Variants in LRRK1 observed in about 807,000 individuals in gnomAD.
LRRK1 encodes leucine-rich repeat serine/threonine-protein kinase 1.
LRRK1 carries 113 observed loss-of-function variants against 209.1 expected under a neutral mutation model. The ratio of observed to expected loss-of-function variants is 0.54; its 90% confidence interval spans 0.46 to 0.63. The LOEUF is 0.63. LRRK1 is among the 30% of genes least tolerant of loss of function. The pLI, the probability that LRRK1 is intolerant of heterozygous loss-of-function variation, is 0.00. For missense variants in LRRK1, 2,284 were observed against 2,632.2 expected (o/e 0.87, Z 2.89); for synonymous variants, 1,144 against 1,099.7 (o/e 1.04, Z -0.80).
intron 24 of LRRK1, 115 bp downstream of exon 24, chr15:101,052,075 C>T: frequency 8.5e-7 from 1 of 1,180,502 alleles, no homozygotes; most frequent in East Asian, 2.5e-5. Flanking sequence ...GGTGCCCCGG[C>T]CATGGCTTCC....
rs2036745292 is a variant in LRRK1, at chr15:101,070,266, G to A, written c.*1418G>A. ...AGCAGCTTCCATGGGTGGAGACGCT[G>A]CTCTGTCAGTCACAGGCTTGGAAAA... On this transcript the variant is annotated 3_prime_UTR_variant, in exon 34 of 34. Transcript: ENST00000388948. The A allele has an allele frequency of 6.7e-6, 1 of 148,574 alleles. No homozygotes were observed. Among genetic ancestry groups the A allele is most frequent in the Non-Finnish European group, 1.5e-5 (1 of 67,636 alleles). The allele number at this position is 148,574 out of a possible 1,614,324, so 9.2% of individuals were successfully genotyped here.
In LRRK1 at chr15:101,065,835, A is replaced by G; in HGVS notation, c.5398A>G (p.Ser1800Gly). The stretch of plus-strand genomic sequence containing the variant: ...CTTGGACACGGAACCCCCGGCAGCC[A>G]GCCACACGGCCAACCCAAAGGTGCC... ...RPLDTEPPAASHTANPKVPEG... is the reference protein window; with the variant it reads ...RPLDTEPPAAGHTANPKVPEG... The change falls in exon 32 of 34, where the codon AGC (serine) becomes GGC (glycine). Residue 1800 changes from serine to glycine, a missense_variant. Transcript: ENST00000388948. 1.2e-6 allele frequency: 2 copies of G among 1,614,074 alleles called. No homozygotes were observed. Among genetic ancestry groups the G allele is most frequent in the Non-Finnish European group, 1.7e-6 (2 of 1,180,008 alleles).
At chr15:100,959,289 T>G (rs1164314390) in intron 2 of LRRK1, among the ~76,000 whole-genome samples, 1 of 152,140 alleles carries the variant, frequency 6.6e-6, no homozygotes, top group African/African-American at 2.4e-5. Flanking sequence ...ACAGTCTAGA[T>G]AGGCACCCAC....
chr15:101,071,147 T>C lies in LRRK1; in HGVS notation c.*2299T>C, dbSNP rs906061364. On this transcript the variant is annotated 3_prime_UTR_variant, in exon 34 of 34. Coordinates refer to ENST00000388948, the MANE Select transcript of LRRK1 (RefSeq NM_024652.6). ...AGCATTCAGCATGGTCCCTGCAACT[T>C]TGGCCTCTGCCCAGTGACCTCTGGC... 2.6e-5 allele frequency: 4 copies of C among 152,228 alleles called. No homozygotes were observed. Among genetic ancestry groups the C allele is most frequent in the African/African-American group, 9.7e-5 (4 of 41,414 alleles). The allele number at this position is 152,228 out of a possible 1,614,324, so 9.4% of individuals were successfully genotyped here.
At chr15:101,005,531 C>A (rs1027351832) in intron 6 of LRRK1, among the ~76,000 whole-genome samples, 2 of 152,214 alleles carry the variant, frequency 1.3e-5, no homozygotes, top group African/African-American at 4.8e-5. Context: ...TGTGTCCCAT[C>A]AATGGGCTGA....
intron 6 of LRRK1, among the ~76,000 whole-genome samples, chr15:101,001,755 A>C (rs536233676): frequency 6.6e-6 from 1 of 152,182 alleles, no homozygotes; most frequent in African/African-American, 2.4e-5. Context: ...TTTGTCACTG[A>C]GCTATAGTCT....
chr15:100,995,583 G>A (rs1040473422), intron 6 of LRRK1, among the ~76,000 whole-genome samples: 2 of 152,190 alleles, frequency 1.3e-5, no homozygotes, highest in African/African-American at 2.4e-5. Flanking sequence ...GCCCGCGTTC[G>A]TGGTGAACAT....
At chr15:100,937,584 G>A (rs2042323963) in intron 2 of LRRK1, among the ~76,000 whole-genome samples, 2 of 151,622 alleles carry the variant, frequency 1.3e-5, no homozygotes, top group South Asian at 4.2e-4. Flanking sequence ...CCCCAGGCTG[G>A]AGTGCAGTGG....
rs989253734 is a variant in LRRK1 at position 101,027,872 on chromosome 15, C to T, written c.2686+75C>T. ...TCTGTACTTGCTAACTTCAGCTTGG[C>T]CTCAGTAATGAATGAGAGACCGACA... On this transcript the variant is annotated intron_variant, in intron 19 of 33. Transcript: ENST00000388948. The surrounding 1 kb of genome is among the most constrained non-coding windows in gnomAD (Gnocchi z 5.1). 24 of 1,380,506 alleles carry T rather than the reference C, an allele frequency of 1.7e-5. No homozygotes were observed. In the East Asian group the frequency reaches 4.1e-4, roughly 23 times the overall value. 85.5% of individuals were successfully genotyped at this position (1,380,506 alleles called of 1,614,324 possible).
In LRRK1 at chr15:101,049,707, A is replaced by G. The variant is rs767506746; in HGVS notation, c.3363A>G (p.Gln1121=). 5.0e-6 allele frequency: 8 copies of G among 1,614,050 alleles called. No homozygotes were observed. In the East Asian group the frequency reaches 6.7e-5, roughly 13 times the overall value. The part of the protein sequence containing the change: ...KKSGGMKIVC[Q]SEVRDFSAMA... ...GCGGAGGAATGAAAATTGTTTGCCA[A>G]TCAGAAGTGAGGGACTTCTCAGCCA... is the stretch of plus-strand genomic sequence containing the variant. Residue 1121 remains glutamine (Q), a synonymous_variant, in exon 23 of 34, where the codon CAA becomes CAG. Transcript: ENST00000388948.
intron 2 of LRRK1, among the ~76,000 whole-genome samples, chr15:100,941,964 G>A (rs1039613314): frequency 2.0e-5 from 3 of 152,138 alleles, no homozygotes; most frequent in Admixed American, 6.5e-5. Flanking sequence ...CAGCAGCCTC[G>A]GAGCTCTCCC....
intron 2 of LRRK1, among the ~76,000 whole-genome samples, chr15:100,968,593 T>C (rs1416281160): frequency 6.6e-6 from 1 of 152,176 alleles, no homozygotes; most frequent in African/African-American, 2.4e-5. Context: ...ACATTGAGCT[T>C]TTTGAATATT....
rs573921795 is a variant in LRRK1 at position 101,078,237 on chromosome 15, C to G, written c.*9389C>G. On this transcript the variant is annotated 3_prime_UTR_variant, in exon 34 of 34. Coordinates refer to ENST00000388948, the MANE Select transcript of LRRK1 (RefSeq NM_024652.6). ...CCCGCCTGCACCCAGGTGAAATAAA[C>G]AGCTTTATTGCTCACACAAAGCCTG... is the stretch of plus-strand genomic sequence containing the variant. 1 of 152,410 alleles carries G rather than the reference C, an allele frequency of 6.6e-6. No homozygotes were observed. Among genetic ancestry groups the G allele is most frequent in the South Asian group, 2.1e-4 (1 of 4,826 alleles). 9.4% of individuals were successfully genotyped at this position (152,410 alleles called of 1,614,324 possible).
intron 11 of LRRK1, 107 bp from the exon 12 acceptor site, chr15:101,015,219 C>A: frequency 1.2e-6 from 1 of 845,784 alleles, no homozygotes; most frequent in Non-Finnish European, 1.9e-6. Context: ...TGAAGAGTTG[C>A]ACATGAATTG....
rs949262185 is a variant in LRRK1 at position 101,027,533 on chromosome 15, G to A, written c.2527-105G>A. The A allele has an allele frequency of 1.1e-5, 17 of 1,503,788 alleles. No homozygotes were observed. Among genetic ancestry groups the A allele is most frequent in the Non-Finnish European group, 1.5e-5 (17 of 1,116,958 alleles). 93.2% of individuals were successfully genotyped at this position (1,503,788 alleles called of 1,614,324 possible). A position where few individuals can be genotyped will look rare whatever the true frequency, so the allele number is the denominator to read the frequency against. ...GGGTCAGGATGGAAGATAGTGGGTG[G>A]AAACGTCCCACCCCCTCAGGCCACA... On this transcript the variant is annotated intron_variant, in intron 18 of 33. Transcript: ENST00000388948. The surrounding 1 kb of genome is among the most constrained non-coding windows in gnomAD (Gnocchi z 5.1).
chr15:101,029,315 A>G, intron 20 of LRRK1, 83 bp downstream of exon 20: 1 of 1,378,666 alleles, frequency 7.3e-7, no homozygotes, highest in East Asian at 2.4e-5. Context: ...TGGTGGCCTG[A>G]ACAAGATTTC....
In LRRK1 at chr15:101,071,928, G is replaced by A. The variant is rs2036821506; in HGVS notation, c.*3080G>A. 1 of 152,294 alleles carries A rather than the reference G, an allele frequency of 6.6e-6. No homozygotes were observed. The highest frequency in any genetic ancestry group is 1.5e-5 in the Non-Finnish European group (1 of 68,094). 9.4% of individuals were successfully genotyped at this position (152,294 alleles called of 1,614,324 possible). ...TGAGGGCACTGGGTGCAAGGGCCTT[G>A]CACATGCAAAGACCCTGTTGTGGGT... On this transcript the variant is annotated 3_prime_UTR_variant, in exon 34 of 34. Coordinates refer to ENST00000388948, the MANE Select transcript of LRRK1 (RefSeq NM_024652.6).
intron 29 of LRRK1, among the ~76,000 whole-genome samples, chr15:101,060,061 T>A (rs1269642150): frequency 1.3e-5 from 2 of 152,174 alleles, no homozygotes; most frequent in African/African-American, 4.8e-5. Flanking sequence ...GGCCTCTTCC[T>A]GTGACCTGTG....
intron 6 of LRRK1, among the ~76,000 whole-genome samples, chr15:100,998,937 A>G (rs770096535): frequency 2.6e-5 from 4 of 152,116 alleles, no homozygotes; most frequent in Non-Finnish European, 5.9e-5. Flanking sequence ...GATGGTTGAA[A>G]TTTTTGTATG....
Sources: gnomAD v4.1 joint callset for allele counts (sites outside exome capture counted in the v4.1 genomes callset) on GRCh38, gnomAD v4.1.1 for gene constraint, Gnocchi (gnomAD v3.1) non-coding constraint, MANE v1.5 for transcripts, NCBI Gene and HGNC (gene_info 2026-07-23, HGNC 2026-07-21) for gene names.